The following SORCS2 variants were observed in gnomAD, a reference collection of about 807,000 sequenced individuals.
The protein encoded by SORCS2 is VPS10 domain-containing receptor SorCS2.
A neutral mutation model predicts 141.6 loss-of-function variants in SORCS2; 100 were observed. The ratio of observed to expected loss-of-function variants is 0.71; its 90% confidence interval spans 0.60 to 0.83. The LOEUF (loss-of-function observed/expected upper bound fraction) is 0.83. Among genes scored for constraint, SORCS2 ranks in the 40% least tolerant of loss-of-function variants. The pLI is 0.00. For missense variants in SORCS2, 1,646 were observed against 1,560.2 expected (o/e 1.05, Z -0.93); for synonymous variants, 789 against 676.9 (o/e 1.17, Z -2.57).
intron 2 of SORCS2, among the ~76,000 whole-genome samples, chr4:7,510,463 T>C (rs1732551944): frequency 6.6e-6 from 1 of 152,212 alleles, no homozygotes; most frequent in Non-Finnish European, 1.5e-5. Context: ...GGTTAAAACC[T>C]GGCTTCATGG....
chr4:7,543,443 TCA>T (rs1712858866), intron 3 of SORCS2, among the ~76,000 whole-genome samples: 1 of 78,728 alleles, frequency 1.3e-5, no homozygotes, highest in African/African-American at 4.8e-5. Flanking sequence ...ATCCATCCAC[TCA>T]TCCATCCATC....
At chr4:7,424,908 G>A (rs1223323802) in intron 2 of SORCS2, among the ~76,000 whole-genome samples, 2 of 152,230 alleles carry the variant, frequency 1.3e-5, no homozygotes, top group Admixed American at 6.5e-5. Context: ...ACCTCCCGAG[G>A]GGCAGGCACT....
chr4:7,683,252 TCTGCTGACCTTGGCTGGGCTCAGCTGAGC>T (rs1723649251), intron 10 of SORCS2, among the ~76,000 whole-genome samples: 2 of 91,156 alleles, frequency 2.2e-5, no homozygotes, highest in Non-Finnish European at 2.3e-5. Flanking sequence ...GCTGAGCGGC[TCTGCTGACCTTGGCTGGGCTCAGCTGAGC>T]GGCTCTGCTG....
intron 2 of SORCS2, chr4:7,433,795 A>C: frequency 6.2e-7 from 1 of 1,613,626 alleles, no homozygotes; most frequent in Non-Finnish European, 8.5e-7. Flanking sequence ...CAGACGGATG[A>C]ACTTGCACAC....
intron 3 of SORCS2, among the ~76,000 whole-genome samples, chr4:7,535,997 T>TGGCAGTG: frequency 6.6e-6 from 1 of 152,368 alleles, no homozygotes; most frequent in Non-Finnish European, 1.5e-5. Flanking sequence ...TATGTTTCCC[T>TGGCAGTG]GTGATGCTGC....
intron 1 of SORCS2, among the ~76,000 whole-genome samples, chr4:7,275,208 G>T (rs1715418921): frequency 6.6e-6 from 1 of 152,134 alleles, no homozygotes; most frequent in Non-Finnish European, 1.5e-5. Flanking sequence ...TGATATAGCT[G>T]CATCTGGCAG....
At chr4:7,475,476 C>G (rs1272118299) in intron 2 of SORCS2, among the ~76,000 whole-genome samples, 1 of 152,182 alleles carries the variant, frequency 6.6e-6, no homozygotes, top group Admixed American at 6.5e-5. Flanking sequence ...TGTGCAGCAG[C>G]CACAGGAGTG....
intron 1 of SORCS2, among the ~76,000 whole-genome samples, chr4:7,314,800 G>GTTTTTTTTTTT (rs397880294): frequency 9.1e-6 from 1 of 109,832 alleles, no homozygotes; most frequent in African/African-American, 3.4e-5. Context: ...CCACTGTTCT[G>GTTTTTTTTTTT]TTTTTTTTTT....
rs556603821 is a variant in SORCS2, at chr4:7,350,897, G to A, written c.481-45391G>A. Among the ~76,000 whole-genome samples the A allele has an allele frequency of 2.6e-5, 4 of 152,268 alleles. No homozygotes were observed. In the South Asian group the frequency reaches 8.3e-4, roughly 32 times the overall value. On this transcript the variant is annotated intron_variant, in intron 1 of 26. Transcript: ENST00000507866. Reference sequence around the variant, plus strand: ...CACTCTTCGTGGCTGCTTGGGACAGGGGCCCACCCAACTTCATCTTCTCTT... The same window carrying A: ...CACTCTTCGTGGCTGCTTGGGACAGAGGCCCACCCAACTTCATCTTCTCTT...
At chr4:7,198,448 G>C (rs1431513979) in intron 1 of SORCS2, among the ~76,000 whole-genome samples, 1 of 152,198 alleles carries the variant, frequency 6.6e-6, no homozygotes, top group African/African-American at 2.4e-5. Flanking sequence ...TGAACTTGCT[G>C]TGCGTTACTC....
At chr4:7,640,401 T>G (rs1433838051) in intron 4 of SORCS2, among the ~76,000 whole-genome samples, 1 of 147,362 alleles carries the variant, frequency 6.8e-6, no homozygotes, top group African/African-American at 2.5e-5. Context: ...TGTGTGAGTG[T>G]GTGTGGGTGA....
intron 8 of SORCS2, among the ~76,000 whole-genome samples, chr4:7,670,601 C>T (rs1044513198): frequency 7.9e-5 from 12 of 152,196 alleles, no homozygotes; most frequent in African/African-American, 2.2e-4. Context: ...GGCAACGACA[C>T]GGGCAGAACC....
intron 3 of SORCS2, among the ~76,000 whole-genome samples, chr4:7,634,784 G>A (rs935182333): frequency 6.6e-6 from 1 of 152,208 alleles, no homozygotes; most frequent in African/African-American, 2.4e-5. Context: ...GGGAAGGGCA[G>A]TGCCATCAGT....
chr4:7,308,401 C>A (rs147043729), intron 1 of SORCS2, among the ~76,000 whole-genome samples: 2 of 152,124 alleles, frequency 1.3e-5, no homozygotes, highest in African/African-American at 4.8e-5. Flanking sequence ...ACTTTTCTGG[C>A]CTGTGTGTTT....
At chr4:7,603,010 C>G (rs868223739) in intron 3 of SORCS2, among the ~76,000 whole-genome samples, 51 of 152,184 alleles carry the variant, frequency 3.4e-4, no homozygotes, top group African/African-American at 1.2e-3. Flanking sequence ...AATACAAAAA[C>G]CAGTCAGGCG....
At chr4:7,239,310 AG>A (rs1371115982) in intron 1 of SORCS2, among the ~76,000 whole-genome samples, 1 of 152,234 alleles carries the variant, frequency 6.6e-6, no homozygotes, top group Admixed American at 6.5e-5. Context: ...GATCTGGGGC[AG>A]GGCTGTGGCC....
At chr4:7,376,442 T>C (rs1198292790) in intron 1 of SORCS2, among the ~76,000 whole-genome samples, 2 of 151,864 alleles carry the variant, frequency 1.3e-5, no homozygotes, top group African/African-American at 2.4e-5. Context: ...CCGGGTGTGG[T>C]GGTGGGCGCC....
chr4:7,676,268 C>T (rs776808526), intron 9 of SORCS2, 39 bp downstream of exon 9: 6 of 1,539,858 alleles, frequency 3.9e-6, no homozygotes, highest in Non-Finnish European at 5.3e-6. Flanking sequence ...CTGCCGCCGA[C>T]CCCCTGCCCT....
intron 2 of SORCS2, among the ~76,000 whole-genome samples, chr4:7,408,031 A>G (rs1725080828): frequency 6.6e-6 from 1 of 152,092 alleles, no homozygotes; most frequent in African/African-American, 2.4e-5. Context: ...CCTATTTCTC[A>G]GCAAGTTGTT....
Sources: gnomAD v4.1 joint callset for allele counts (sites outside exome capture counted in the v4.1 genomes callset) on GRCh38, gnomAD v4.1.1 for gene constraint, MANE v1.5 for transcripts, NCBI Gene and HGNC (gene_info 2026-07-23, HGNC 2026-07-21) for gene names.